The following ADARB2 variants were observed in gnomAD, a reference collection of about 807,000 sequenced individuals.
ADARB2 encodes the protein inactive double-stranded RNA-specific editase B2.
Under a neutral mutation model 62.2 loss-of-function variants are expected in ADARB2, and 25 were observed. The observed-to-expected ratio is 0.40, with a 90% CI of 0.29 to 0.56. The LOEUF is 0.56. ADARB2 is among the 20% of genes least tolerant of loss of function. ADARB2 has a pLI of 0.43. For synonymous variants in ADARB2, 572 were observed against 500.8 expected, an observed-to-expected ratio of 1.14 and a Z score of -1.90; for missense variants, 1,071 against 1,077.4, an observed-to-expected ratio of 0.99 and a Z score of 0.08.
At chr10:1,474,066 C>A (rs972630102) in intron 1 of ADARB2, among the ~76,000 whole-genome samples, 5 of 152,238 alleles carry the variant, frequency 3.3e-5, no homozygotes, top group Non-Finnish European at 7.3e-5. Context: ...CCTTGCTGAG[C>A]CCCCATCCCA....
At chr10:1,581,284 GC>G (rs1320459355) in intron 1 of ADARB2, among the ~76,000 whole-genome samples, 4 of 152,238 alleles carry the variant, frequency 2.6e-5, no homozygotes, top group African/African-American at 9.6e-5. Flanking sequence ...GCTCGTGGGA[GC>G]TTTCCCTGTG....
chr10:1,262,724 G>C (rs550469249), intron 4 of ADARB2, among the ~76,000 whole-genome samples: 13 of 152,244 alleles, frequency 8.5e-5, no homozygotes, highest in South Asian at 4.1e-4. Context: ...TCAGTGTGGC[G>C]ATTCCTCAGG....
intron 7 of ADARB2, among the ~76,000 whole-genome samples, chr10:1,209,537 GCCCACACCCATGCCATCA>G (rs146558337): frequency 0.44 from 37,370 of 84,706 alleles, 6,421 homozygotes; most frequent in South Asian, 0.55. Flanking sequence ...CTACAGCCTC[GCCCACACCCATGCCATCA>G]CCCACACCCA....
chr10:1,518,868 C>T (rs749794355), intron 1 of ADARB2, among the ~76,000 whole-genome samples: 13 of 151,762 alleles, frequency 8.6e-5, no homozygotes, highest in Admixed American at 1.3e-4. Flanking sequence ...TGGTCATACA[C>T]ATGCATTCCA....
At chr10:1,276,395 A>G (rs1162338035) in intron 3 of ADARB2, among the ~76,000 whole-genome samples, 1 of 151,986 alleles carries the variant, frequency 6.6e-6, no homozygotes, top group Non-Finnish European at 1.5e-5. Flanking sequence ...TTCATTGTAG[A>G]TTCTGGATAT....
At chr10:1,640,005 TG>T (rs1178292598) in intron 1 of ADARB2, among the ~76,000 whole-genome samples, 1 of 151,990 alleles carries the variant, frequency 6.6e-6, no homozygotes, top group African/African-American at 2.4e-5. Flanking sequence ...CTTAATGGGG[TG>T]TTGGCGGGAA....
At position 1,359,026 on chromosome 10, in the gene ADARB2, G is replaced by C. The variant is rs574429579; in HGVS notation, c.1077+4002C>G. On this transcript the variant is annotated intron_variant, in intron 3 of 9. Transcript: ENST00000381312. ...GCTTAGGAATTCTTTTGATGCTAGG[G>C]GTGGGGAGCAAACTGAAGAGAGATG... 8.9e-4 allele frequency among the ~76,000 whole-genome samples: 136 copies of C among 152,298 alleles called. 1 individual carries two copies. Among genetic ancestry groups the C allele is most frequent in the African/African-American group, 3.2e-3 (132 of 41,554 alleles).
chr10:1,400,016 G>A (rs111362506), intron 1 of ADARB2, among the ~76,000 whole-genome samples: 2,943 of 152,302 alleles, frequency 0.019, 41 homozygotes, highest in Middle Eastern at 0.044. Flanking sequence ...TGGCTTTGAG[G>A]GATGAGGACA....
At chr10:1,216,833 C>A in intron 7 of ADARB2, 118 bp downstream of exon 7, 3 of 1,330,318 alleles carry the variant, frequency 2.3e-6, no homozygotes, top group Non-Finnish European at 3.1e-6. Context: ...GGCACAGGGC[C>A]CTGACCGCAT....
chr10:1,451,305 G>A (rs61831859), intron 1 of ADARB2, among the ~76,000 whole-genome samples: 6 of 152,338 alleles, frequency 3.9e-5, no homozygotes, highest in African/African-American at 9.6e-5. Flanking sequence ...ACACAGGAGC[G>A]GTGTTTATCC....
chr10:1,192,788 A>C (rs546170429), intron 8 of ADARB2, among the ~76,000 whole-genome samples: 78 of 152,280 alleles, frequency 5.1e-4, no homozygotes, highest in African/African-American at 1.7e-3. Flanking sequence ...AAAAATACAA[A>C]AAAAAATTAG....
intron 3 of ADARB2, among the ~76,000 whole-genome samples, chr10:1,281,001 T>C (rs1831366258): frequency 1.3e-5 from 2 of 152,230 alleles, no homozygotes; most frequent in African/African-American, 2.4e-5. Context: ...AACAATGTTA[T>C]TTACTCTGAG....
At chr10:1,208,343 C>T (rs1027637881) in intron 7 of ADARB2, among the ~76,000 whole-genome samples, 3 of 152,202 alleles carry the variant, frequency 2.0e-5, no homozygotes, top group Admixed American at 6.5e-5. Flanking sequence ...TCTGCAGGGT[C>T]GTGCTTTCCC....
intron 1 of ADARB2, among the ~76,000 whole-genome samples, chr10:1,480,719 A>G (rs1002595388): frequency 6.6e-6 from 1 of 152,292 alleles, no homozygotes; most frequent in African/African-American, 2.4e-5. Context: ...AAAAAGTTCC[A>G]TTTATGGTCT....
intron 3 of ADARB2, among the ~76,000 whole-genome samples, chr10:1,327,499 T>G (rs1335729364): frequency 1.8e-5 from 1 of 54,938 alleles, no homozygotes; most frequent in Non-Finnish European, 3.7e-5. Flanking sequence ...CAGCGCCTCC[T>G]CACTGCCCAG....
chr10:1,462,737 G>A (rs1158038581), intron 1 of ADARB2, among the ~76,000 whole-genome samples: 5 of 151,264 alleles, frequency 3.3e-5, no homozygotes, highest in Non-Finnish European at 5.9e-5. Flanking sequence ...ATGTGTGTAT[G>A]TGCCTGTGTG....
chr10:1,182,917 T>G lies in ADARB2; in HGVS notation c.*276A>C, dbSNP rs1836697549. 2.5e-6 allele frequency: 1 copy of G among 399,230 alleles called. No individual in the cohort carries two copies. Among genetic ancestry groups the G allele is most frequent in the Non-Finnish European group, 4.6e-6 (1 of 219,192 alleles). 24.7% of individuals were successfully genotyped at this position (399,230 alleles called of 1,614,324 possible). A position where few individuals can be genotyped will look rare whatever the true frequency, so the allele number is the denominator to read the frequency against. Reference sequence around the variant, plus strand: ...TGCAGCTAAAACCCCTTTGCCTGAATGGAGCCCCTCCCTCAGACTCCACAG... The same window carrying G: ...TGCAGCTAAAACCCCTTTGCCTGAAGGGAGCCCCTCCCTCAGACTCCACAG... On this transcript the variant is annotated 3_prime_UTR_variant, in exon 10 of 10. Coordinates refer to ENST00000381312, the MANE Select transcript of ADARB2 (RefSeq NM_018702.4).
intron 1 of ADARB2, among the ~76,000 whole-genome samples, chr10:1,583,576 A>G (rs960075959): frequency 2.6e-5 from 4 of 152,244 alleles, no homozygotes; most frequent in African/African-American, 9.6e-5. Flanking sequence ...GAAACTCGAA[A>G]GAAAGAAATT....
At chr10:1,242,419 G>A (rs544900862) in intron 4 of ADARB2, 120 bp from the exon 5 acceptor site, 17 of 1,301,200 alleles carry the variant, frequency 1.3e-5, no homozygotes, top group Admixed American at 2.7e-5. Context: ...GAAACACTGC[G>A]TTTTGAGAGC....
Sources: gnomAD v4.1 joint callset for allele counts (sites outside exome capture counted in the v4.1 genomes callset) on GRCh38, gnomAD v4.1.1 for gene constraint, MANE v1.5 for transcripts, NCBI Gene and HGNC (gene_info 2026-07-23, HGNC 2026-07-21) for gene names.